Variants in ZNF496 observed in about 807,000 individuals in gnomAD.
ZNF496 encodes the protein zinc finger protein 496.
ZNF496 carries 11 observed loss-of-function variants against 58.9 expected under a neutral mutation model. That is an observed-to-expected ratio of 0.19 (90% CI 0.12 to 0.31). The LOEUF (loss-of-function observed/expected upper bound fraction) is 0.31, where lower values mean the gene tolerates loss of function less well. Ranked by LOEUF, ZNF496 falls within the 10% of genes least tolerant of loss-of-function variation. ZNF496 has a pLI of 1.00. For synonymous variants in ZNF496, 338 were observed against 318.2 expected (o/e 1.06, Z -0.66); for missense variants, 660 against 783.0 (o/e 0.84, Z 1.88).
In ZNF496 at chr1:247,300,172, G is replaced by C. The variant is rs1659190444; in HGVS notation, c.*347C>G. 5.1e-6 allele frequency: 1 copy of C among 197,234 alleles called. No individual in the cohort carries two copies. The highest frequency in any genetic ancestry group is 2.3e-5 in the African/African-American group (1 of 43,314). 12.2% of individuals were successfully genotyped at this position (197,234 alleles called of 1,614,324 possible). A position where few individuals can be genotyped will look rare whatever the true frequency, so the allele number is the denominator to read the frequency against. ...TATACTGAGGTTTGGCTGGTGACCA[G>C]GGTGCCGCCCTGACGGGGGATAGCC... On this transcript the variant is annotated 3_prime_UTR_variant, in exon 10 of 10. Transcript: ENST00000682384. This position sits in a 1 kb window ranked among gnomAD's most constrained non-coding sequence, Gnocchi z 5.7.
At chr1:247,315,563 C>G (rs1208832155) in intron 6 of ZNF496, among the ~76,000 whole-genome samples, 2 of 152,026 alleles carry the variant, frequency 1.3e-5, no homozygotes, top group East Asian at 3.9e-4. Flanking sequence ...GAAATACGCT[C>G]CTTTGGCATG....
intron 6 of ZNF496, among the ~76,000 whole-genome samples, chr1:247,317,276 G>A (rs1210816333): frequency 1.3e-5 from 2 of 152,090 alleles, no homozygotes; most frequent in Non-Finnish European, 2.9e-5. Flanking sequence ...ACTTGAAGCC[G>A]AAGGAGCCAG....
chr1:247,300,809 G>A lies in ZNF496; in HGVS notation c.1474C>T (p.Gln492Ter). The A allele has an allele frequency of 6.2e-7, 1 of 1,604,670 alleles. No individual in the cohort carries two copies. The highest frequency in any genetic ancestry group is 8.5e-7 in the Non-Finnish European group (1 of 1,173,672). Residue 492 changes from glutamine (Q) to a stop codon, truncating the protein, a stop_gained, in exon 10 of 10, where the codon CAG becomes TAG. Coordinates refer to ENST00000682384, the MANE Select transcript of ZNF496 (RefSeq NM_032752.3). LOFTEE classifies it high-confidence loss of function. The surrounding 1 kb of genome is among the most constrained non-coding windows in gnomAD (Gnocchi z 5.7). The part of the protein sequence containing the change: ...RRIHLQPDRL[Q>*]PVEKREQAAS... Reference sequence around the variant, plus strand: ...GCCTGCTCTCTCTTCTCCACCGGCTGGAGTCTGTCCGGCTGCAGGTGTATC... The same window carrying A: ...GCCTGCTCTCTCTTCTCCACCGGCTAGAGTCTGTCCGGCTGCAGGTGTATC...
rs1392957915 is a variant in ZNF496, at chr1:247,301,064, C to G, written c.1219G>C (p.Val407Leu). 6.2e-7 allele frequency: 1 copy of G among 1,613,616 alleles called. No individual in the cohort carries two copies. The highest frequency in any genetic ancestry group is 2.2e-5 in the East Asian group (1 of 44,892). ...GEVQTSKKSY[V>L]CPNCGKIFRW... Reference sequence around the variant, plus strand: ...AAGATTTTCCCACAGTTCGGACACACGTAGGACTTCTTGGAGGTCTGCACC... The same window carrying G: ...AAGATTTTCCCACAGTTCGGACACAGGTAGGACTTCTTGGAGGTCTGCACC... Residue 407 changes from valine (V) to leucine (L), a missense_variant, in exon 10 of 10, where the codon GTG (valine) becomes CTG (leucine). Val to Leu is a conservative substitution (Grantham distance 32). Transcript: ENST00000682384.
intron 6 of ZNF496, chr1:247,322,774 T>C (rs1294608863): frequency 1.5e-6 from 2 of 1,294,864 alleles, no homozygotes; most frequent in African/African-American, 3.0e-5. Flanking sequence ...AATATAACCA[T>C]TGCTGCGATG....
At chr1:247,318,644 T>G (rs1017346861) in intron 6 of ZNF496, among the ~76,000 whole-genome samples, 1 of 152,186 alleles carries the variant, frequency 6.6e-6, no homozygotes, top group Non-Finnish European at 1.5e-5. Context: ...GGTGAAAACA[T>G]CCTTCAGGAA....
chr1:247,327,412 T>C (rs1415694962), intron 5 of ZNF496, among the ~76,000 whole-genome samples: 1 of 152,208 alleles, frequency 6.6e-6, no homozygotes, highest in African/African-American at 2.4e-5. Flanking sequence ...AGTGTTAACA[T>C]TAGGCATGTC....
intron 6 of ZNF496, 35 bp downstream of exon 6, chr1:247,323,117 CAG>C (rs778614184): frequency 4.4e-5 from 70 of 1,573,458 alleles, no homozygotes; most frequent in Non-Finnish European, 5.6e-5. Flanking sequence ...CAGAGGCAAA[CAG>C]GGGATTTTCA....
rs3831980 is a variant in ZNF496 at position 247,297,856 on chromosome 1, CAAG to C, written c.*2660_*2662del. 34,727 of 152,112 alleles carry C rather than the reference CAAG, an allele frequency of 0.23. 4,212 individuals carry two copies. The highest frequency in any genetic ancestry group is 0.41 in the East Asian group (2,108 of 5,144). 9.4% of individuals were successfully genotyped at this position (152,112 alleles called of 1,614,324 possible). A position where few individuals can be genotyped will look rare whatever the true frequency, so the allele number is the denominator to read the frequency against. ...TGGCTCTGGATCAGTGGTGGGGACT[CAAG>C]AGACAGCCTCCCTGTGGCTTCCAGC... is the stretch of plus-strand genomic sequence containing the variant. On this transcript the variant is annotated 3_prime_UTR_variant, in exon 10 of 10. Coordinates refer to ENST00000682384, the MANE Select transcript of ZNF496 (RefSeq NM_032752.3).
intron 2 of ZNF496, among the ~76,000 whole-genome samples, chr1:247,331,228 T>A (rs1305865111): frequency 6.6e-6 from 1 of 152,182 alleles, no homozygotes; most frequent in Non-Finnish European, 1.5e-5. Context: ...AGATGCCTGA[T>A]GAATGAACTA....
rs1206397587 is a variant in ZNF496, at chr1:247,308,823, G to A, written c.893-235C>T. ...CGCTAGACAGAATCGACGTAGATCC[G>A]GGTTCTACTCCACCCACTCTATGGC... On this transcript the variant is annotated intron_variant, in intron 8 of 9. Transcript: ENST00000682384. The surrounding 1 kb of genome is among the most constrained non-coding windows in gnomAD (Gnocchi z 4.5). 6.3e-6 allele frequency: 3 copies of A among 474,328 alleles called. No individual in the cohort carries two copies. Among genetic ancestry groups the A allele is most frequent in the Non-Finnish European group, 1.2e-5 (3 of 257,916 alleles). The allele number at this position is 474,328 out of a possible 1,614,324, so 29.4% of individuals were successfully genotyped here.
rs1380976006 is a variant in ZNF496 at position 247,298,094 on chromosome 1, T to C, written c.*2425A>G. 3 of 152,162 alleles carry C rather than the reference T, an allele frequency of 2.0e-5. No homozygotes were observed. Among genetic ancestry groups the C allele is most frequent in the South Asian group, 4.1e-4 (2 of 4,832 alleles). The allele number at this position is 152,162 out of a possible 1,614,324, so 9.4% of individuals were successfully genotyped here. On this transcript the variant is annotated 3_prime_UTR_variant, in exon 10 of 10. Coordinates refer to ENST00000682384, the MANE Select transcript of ZNF496 (RefSeq NM_032752.3). ...GGTAAACGTGTACAGAGAGCCTGGC[T>C]TCTACTTGGAATTTTCCCCTCCCTT...
intron 6 of ZNF496, chr1:247,322,845 GA>G (rs1266037354): frequency 7.9e-7 from 1 of 1,264,356 alleles, no homozygotes; most frequent in Non-Finnish European, 1.1e-6. Flanking sequence ...TTTTTCACAA[GA>G]GGGGAACTTA....
chr1:247,300,720 G>A lies in ZNF496; in HGVS notation c.1563C>T (p.Ser521=). The A allele has an allele frequency of 1.2e-6, 2 of 1,613,662 alleles. No individual in the cohort carries two copies. The highest frequency in any genetic ancestry group is 1.7e-6 in the Non-Finnish European group (2 of 1,179,724). The change falls in exon 10 of 10, where the codon AGC becomes AGT. Residue 521 remains serine, a synonymous_variant. Coordinates refer to ENST00000682384, the MANE Select transcript of ZNF496 (RefSeq NM_032752.3). This position sits in a 1 kb window ranked among gnomAD's most constrained non-coding sequence, Gnocchi z 5.7. ...EPLENGKAKL[S]FQCCECGKAF... is the part of the protein sequence containing the mutation. The stretch of plus-strand genomic sequence containing the variant: ...CCTTCCCACACTCACAGCACTGGAA[G>A]CTCAGTTTGGCCTTGCCGTTTTCCA...
rs988935069 is a variant in ZNF496 at position 247,299,167 on chromosome 1, C to T, written c.*1352G>A. On this transcript the variant is annotated 3_prime_UTR_variant, in exon 10 of 10. Transcript: ENST00000682384. ...TCAAATTCCGATGTTGAAGTCCCAACCTCTAGTACCTCAGAATGTGACCTT... is the reference window on the plus strand; with the variant it reads ...TCAAATTCCGATGTTGAAGTCCCAATCTCTAGTACCTCAGAATGTGACCTT... 16 of 152,230 alleles carry T rather than the reference C, an allele frequency of 1.1e-4. No individual in the cohort carries two copies. Among genetic ancestry groups the T allele is most frequent in the African/African-American group, 3.9e-4 (16 of 41,454 alleles). The allele number at this position is 152,230 out of a possible 1,614,324, so 9.4% of individuals were successfully genotyped here.
At chr1:247,307,301 C>T in intron 9 of ZNF496, 3 of 985,456 alleles carry the variant, frequency 3.0e-6, no homozygotes, top group Non-Finnish European at 3.6e-6. Flanking sequence ...TCCCCTTTCT[C>T]AGTAGCAACC....
chr1:247,311,428 G>GACACACACACAC (rs1282601628), intron 6 of ZNF496: 1 of 38,228 alleles, frequency 2.6e-5, no homozygotes, highest in Admixed American at 4.4e-4. Flanking sequence ...CACACACACA[G>GACACACACACAC]AGACACACAC....
rs1462528533 is a variant in ZNF496, at chr1:247,320,666, CTG to C, written c.651+2486_651+2487del. On this transcript the variant is annotated intron_variant, in intron 6 of 9. Coordinates refer to ENST00000682384, the MANE Select transcript of ZNF496 (RefSeq NM_032752.3). ...GGTTTAAAAAGTTCACAGGATCTCT[CTG>C]TGTTATTTCTTACAATGGCATGTGA... Among the ~76,000 whole-genome samples the C allele has an allele frequency of 5.9e-5, 9 of 152,276 alleles. No individual in the cohort carries two copies. In the South Asian group the frequency reaches 1.2e-3, roughly 21 times the overall value.
intron 6 of ZNF496, 80 bp downstream of exon 6, chr1:247,323,074 G>T: frequency 8.3e-7 from 1 of 1,198,638 alleles, no homozygotes; most frequent in Non-Finnish European, 1.2e-6. Context: ...CAGAAAGCTG[G>T]CTGGGGTCCT....
Sources: allele counts gnomAD v4.1 joint callset (sites outside exome capture counted in the v4.1 genomes callset), GRCh38; gene constraint gnomAD v4.1.1; non-coding constraint Gnocchi (gnomAD v3.1); transcripts MANE v1.5; gene names NCBI Gene and HGNC (gene_info 2026-07-23, HGNC 2026-07-21).